Variants in DCDC1 observed in about 807,000 individuals in gnomAD.
The protein encoded by DCDC1 is doublecortin domain containing 1.
In DCDC1, 200 loss-of-function variants were observed where a neutral mutation model predicts 178.3. The ratio of observed to expected loss-of-function variants is 1.12; its 90% confidence interval spans 1.00 to 1.26. The LOEUF (loss-of-function observed/expected upper bound fraction) is 1.26, where lower values mean the gene tolerates loss of function less well. Among genes scored for constraint, DCDC1 ranks in the 50% most tolerant of loss-of-function variants. The pLI is 0.00. For missense variants in DCDC1, 1,983 were observed against 1,749.2 expected, an observed-to-expected ratio of 1.13 and a Z score of -2.38; for synonymous variants, 690 against 604.8, an observed-to-expected ratio of 1.14 and a Z score of -2.07.
intron 36 of DCDC1, among the ~76,000 whole-genome samples, chr11:30,889,655 A>C (rs1182060895): frequency 6.6e-6 from 1 of 152,186 alleles, no homozygotes. Context: ...AAAGAATCGC[A>C]TGCAAGCCCG....
intron 21 of DCDC1, among the ~76,000 whole-genome samples, chr11:30,946,037 T>C (rs992374417): frequency 6.6e-6 from 1 of 152,142 alleles, no homozygotes; most frequent in Non-Finnish European, 1.5e-5. Flanking sequence ...TTGTTTCCTT[T>C]CAGAGATACA....
chr11:31,186,692 C>T (rs912725102), intron 9 of DCDC1, among the ~76,000 whole-genome samples: 2 of 152,210 alleles, frequency 1.3e-5, no homozygotes, highest in Non-Finnish European at 2.9e-5. Context: ...AAGCTGCTGG[C>T]AGGGACTTGC....
At chr11:31,092,566 T>G (rs1957881769) in intron 16 of DCDC1, among the ~76,000 whole-genome samples, 1 of 152,214 alleles carries the variant, frequency 6.6e-6, no homozygotes, top group Non-Finnish European at 1.5e-5. Context: ...TAAGTAACTT[T>G]CCCAATGTCA....
intron 1 of DCDC1, among the ~76,000 whole-genome samples, chr11:31,342,095 T>C (rs1167926193): frequency 6.6e-6 from 1 of 151,976 alleles, no homozygotes; most frequent in Non-Finnish European, 1.5e-5. Flanking sequence ...ACATTAAGGG[T>C]CATTCTCATT....
intron 7 of DCDC1, among the ~76,000 whole-genome samples, chr11:31,267,412 G>A (rs993343110): frequency 2.0e-5 from 3 of 151,946 alleles, no homozygotes; most frequent in Admixed American, 6.6e-5. Flanking sequence ...GGCTGCTCTC[G>A]AACTCCCAAC....
intron 9 of DCDC1, among the ~76,000 whole-genome samples, chr11:31,163,685 T>C (rs1408018716): frequency 1.3e-5 from 2 of 152,186 alleles, no homozygotes; most frequent in Non-Finnish European, 2.9e-5. Context: ...TGTTTAAGCA[T>C]ATTGCATTTA....
At chr11:31,244,730 A>C (rs957997849) in intron 8 of DCDC1, among the ~76,000 whole-genome samples, 1 of 151,778 alleles carries the variant, frequency 6.6e-6, no homozygotes, top group African/African-American at 2.4e-5. Context: ...TGCAGACATC[A>C]GTCAAATGGA....
chr11:30,922,751 T>A, intron 23 of DCDC1, 113 bp from the exon 24 acceptor site: 1 of 1,040,208 alleles, frequency 9.6e-7, no homozygotes, highest in Non-Finnish European at 1.3e-6. Context: ...ATATAATAGG[T>A]GAATGATTAA....
At chr11:31,231,978 C>A (rs1298084971) in intron 9 of DCDC1, among the ~76,000 whole-genome samples, 2 of 152,230 alleles carry the variant, frequency 1.3e-5, no homozygotes, top group Admixed American at 1.3e-4. Context: ...CAATGACTTG[C>A]TTTCCCCATC....
chr11:30,940,025 T>C (rs1291032485), intron 21 of DCDC1, among the ~76,000 whole-genome samples: 1 of 152,212 alleles, frequency 6.6e-6, no homozygotes, highest in Non-Finnish European at 1.5e-5. Flanking sequence ...TTTTATTTAT[T>C]TAAGCTACTA....
intron 7 of DCDC1, among the ~76,000 whole-genome samples, chr11:31,270,010 C>G (rs1945443328): frequency 6.6e-6 from 1 of 152,192 alleles, no homozygotes; most frequent in Non-Finnish European, 1.5e-5. Flanking sequence ...CAGTTCTCCT[C>G]AGACAGAGAA....
chr11:31,300,996 TTTTGGTCCATCTC>T (rs1227325550), intron 6 of DCDC1, among the ~76,000 whole-genome samples: 6 of 152,186 alleles, frequency 3.9e-5, no homozygotes, highest in Non-Finnish European at 5.9e-5. Flanking sequence ...AAGAACACTT[TTTTGGTCCATCTC>T]TTATAATTGT....
At chr11:31,337,291 A>G (rs1054024424) in intron 1 of DCDC1, among the ~76,000 whole-genome samples, 8 of 152,220 alleles carry the variant, frequency 5.3e-5, no homozygotes, top group African/African-American at 1.7e-4. Context: ...TCCCAAACTG[A>G]AACTATAAAA....
intron 20 of DCDC1, among the ~76,000 whole-genome samples, chr11:31,004,320 A>G (rs1951724497): frequency 6.6e-6 from 1 of 152,108 alleles, no homozygotes; most frequent in Non-Finnish European, 1.5e-5. Flanking sequence ...CCATTACAAG[A>G]AACTAATCCA....
chr11:31,316,948 CA>C lies in DCDC1; in HGVS notation c.165-9041del, dbSNP rs1182588060. Among the ~76,000 whole-genome samples, 2 of 32,116 alleles carry C rather than the reference CA, an allele frequency of 6.2e-5. 1 individual carries two copies. Among genetic ancestry groups the C allele is most frequent in the Non-Finnish European group, 1.0e-4 (2 of 19,990 alleles). 21.1% of individuals were successfully genotyped at this position (32,116 alleles called of 152,430 possible). A position where few individuals can be genotyped will look rare whatever the true frequency, so the allele number is the denominator to read the frequency against. On this transcript the variant is annotated intron_variant, in intron 3 of 38. Transcript: ENST00000684477. ...CATTGCTTGTTTTTCTCAGGTTTGT[CA>C]AAGATCAGATAGTTGTAGATATGCG... is the stretch of plus-strand genomic sequence containing the variant.
At chr11:31,158,961 A>T (rs568145249) in intron 9 of DCDC1, among the ~76,000 whole-genome samples, 1 of 152,188 alleles carries the variant, frequency 6.6e-6, no homozygotes, top group African/African-American at 2.4e-5. Context: ...AAAAATAAAA[A>T]TATACCAACA....
At chr11:31,150,950 A>T (rs1032205430) in intron 9 of DCDC1, among the ~76,000 whole-genome samples, 2 of 152,246 alleles carry the variant, frequency 1.3e-5, no homozygotes, top group African/African-American at 4.8e-5. Flanking sequence ...TTCTTATTTA[A>T]GAATTGCATT....
chr11:31,275,344 G>T (rs1219854050), intron 7 of DCDC1, among the ~76,000 whole-genome samples: 2 of 152,060 alleles, frequency 1.3e-5, no homozygotes, highest in Non-Finnish European at 2.9e-5. Flanking sequence ...AATAAAATAA[G>T]AAAACCTCTT....
chr11:31,036,779 G>A (rs1000854473), intron 20 of DCDC1, among the ~76,000 whole-genome samples: 8 of 152,106 alleles, frequency 5.3e-5, no homozygotes. Flanking sequence ...AGAGTCAACT[G>A]TAATGATCTT....
Sources: allele counts gnomAD v4.1 joint callset (sites outside exome capture counted in the v4.1 genomes callset), GRCh38; gene constraint gnomAD v4.1.1; transcripts MANE v1.5; gene names NCBI Gene and HGNC (gene_info 2026-07-23, HGNC 2026-07-21).